Variants in EHBP1 observed in about 807,000 individuals in gnomAD.
EHBP1 encodes EH domain-binding protein 1.
EHBP1 carries 55 observed loss-of-function variants against 144.0 expected under a neutral mutation model. That is an observed-to-expected ratio of 0.38 (90% CI 0.31 to 0.48). EHBP1 has a LOEUF of 0.48. EHBP1 is among the 20% of genes least tolerant of loss of function. The probability of loss-of-function intolerance (pLI) is 0.98; values close to 1 mark genes in which losing one functional copy is unlikely to be tolerated. For missense variants in EHBP1, 1,200 were observed against 1,364.2 expected, an observed-to-expected ratio of 0.88 and a Z score of 1.90; for synonymous variants, 469 against 472.7, an observed-to-expected ratio of 0.99 and a Z score of 0.10.
At chr2:62,855,565 G>A (rs1172890917) in intron 7 of EHBP1, among the ~76,000 whole-genome samples, 3 of 152,122 alleles carry the variant, frequency 2.0e-5, no homozygotes, top group Non-Finnish European at 4.4e-5. Flanking sequence ...AGGTTGTGGT[G>A]CTTTTTCCAG....
At chr2:62,825,016 GT>G (rs1230664329) in intron 5 of EHBP1, among the ~76,000 whole-genome samples, 1 of 151,898 alleles carries the variant, frequency 6.6e-6, no homozygotes, top group African/African-American at 2.4e-5. Context: ...TATGGAGAAG[GT>G]TACTGAGACT....
chr2:63,027,633 A>T (rs1219112099), intron 19 of EHBP1, among the ~76,000 whole-genome samples: 1 of 152,214 alleles, frequency 6.6e-6, no homozygotes, highest in Non-Finnish European at 1.5e-5. Flanking sequence ...GGGGAAGCAT[A>T]ATTCCCATCA....
intron 1 of EHBP1, chr2:62,674,189 T>C: frequency 2.1e-6 from 1 of 470,410 alleles, no homozygotes; most frequent in Admixed American, 2.4e-5. Flanking sequence ...AACCTAGATT[T>C]TCATGTGTGT....
At chr2:62,954,820 A>G (rs1047487756) in intron 13 of EHBP1, among the ~76,000 whole-genome samples, 4 of 152,166 alleles carry the variant, frequency 2.6e-5, no homozygotes, top group Non-Finnish European at 5.9e-5. Flanking sequence ...CTTAGTAGAA[A>G]AAAAAGGAAT....
intron 3 of EHBP1, among the ~76,000 whole-genome samples, chr2:62,760,035 A>G (rs2040640754): frequency 6.6e-6 from 1 of 152,106 alleles, no homozygotes; most frequent in Non-Finnish European, 1.5e-5. Context: ...GTATACTGAA[A>G]TCTGCACATA....
At chr2:62,792,449 T>C (rs1038319075) in intron 5 of EHBP1, among the ~76,000 whole-genome samples, 1 of 152,094 alleles carries the variant, frequency 6.6e-6, no homozygotes, top group Non-Finnish European at 1.5e-5. Context: ...CTTTTTTGTT[T>C]AGTTTTGGAA....
chr2:62,723,388 G>GACAT (rs2036424491), intron 2 of EHBP1, among the ~76,000 whole-genome samples: 2 of 151,948 alleles, frequency 1.3e-5, no homozygotes, highest in Admixed American at 6.6e-5. Context: ...TGCATGTGAG[G>GACAT]TGGGTCTCTT....
intron 10 of EHBP1, among the ~76,000 whole-genome samples, chr2:62,927,955 A>T (rs2055663005): frequency 6.6e-6 from 1 of 152,262 alleles, no homozygotes; most frequent in South Asian, 2.1e-4. Flanking sequence ...AAACTGAAAA[A>T]AAATCACAAA....
At chr2:62,875,193 C>T (rs1385719715) in intron 10 of EHBP1, among the ~76,000 whole-genome samples, 1 of 152,226 alleles carries the variant, frequency 6.6e-6, no homozygotes, top group East Asian at 1.9e-4. Flanking sequence ...GGGCATGAAC[C>T]TCACTGCTGC....
At chr2:62,737,675 C>T (rs1401629304) in intron 2 of EHBP1, among the ~76,000 whole-genome samples, 1 of 152,164 alleles carries the variant, frequency 6.6e-6, no homozygotes, top group African/African-American at 2.4e-5. Context: ...AACTGCCAGA[C>T]TATTTTTCGT....
At chr2:62,808,793 T>C (rs183586313) in intron 5 of EHBP1, among the ~76,000 whole-genome samples, 2 of 152,308 alleles carry the variant, frequency 1.3e-5, no homozygotes, top group Non-Finnish European at 2.9e-5. Context: ...ATTCCTATGA[T>C]TAGGTTTCAG....
chr2:62,939,974 G>A (rs1420502821), intron 10 of EHBP1: 2 of 283,482 alleles, frequency 7.1e-6, no homozygotes, highest in Admixed American at 4.1e-5. Flanking sequence ...AACCAGAGGT[G>A]GTGATTCACT....
At chr2:62,849,085 T>C (rs2048498265) in intron 7 of EHBP1, among the ~76,000 whole-genome samples, 1 of 152,142 alleles carries the variant, frequency 6.6e-6, no homozygotes, top group African/African-American at 2.4e-5. Context: ...TCTCCTCCTT[T>C]GCAGCTTGGC....
At chr2:63,043,917 G>GTTTTTTTTTTTTTTTTTT (rs1559110359) in intron 21 of EHBP1, 2 of 36,166 alleles carry the variant, frequency 5.5e-5, no homozygotes, top group African/African-American at 2.9e-4. Flanking sequence ...AGTGGCCATG[G>GTTTTTTTTTTTTTTTTTT]TTCTTTTTTT....
At chr2:62,920,980 A>T (rs2055031229) in intron 10 of EHBP1, among the ~76,000 whole-genome samples, 1 of 152,136 alleles carries the variant, frequency 6.6e-6, no homozygotes, top group Admixed American at 6.5e-5. Flanking sequence ...GATTAATCAT[A>T]ATTAGATTAA....
intron 3 of EHBP1, among the ~76,000 whole-genome samples, chr2:62,749,032 C>T (rs1014541492): frequency 3.3e-5 from 5 of 151,978 alleles, no homozygotes; most frequent in Admixed American, 6.6e-5. Flanking sequence ...ATGTGCACAA[C>T]GTGCAGGTTT....
chr2:62,674,823 G>A (rs1308536856), intron 1 of EHBP1, among the ~76,000 whole-genome samples: 2 of 152,156 alleles, frequency 1.3e-5, no homozygotes, highest in African/African-American at 2.4e-5. Flanking sequence ...TAGAGACAGG[G>A]TCTCGCTATG....
upstream of EHBP1, among the ~76,000 whole-genome samples, chr2:62,704,321 T>C (rs1370870612): frequency 6.6e-6 from 1 of 152,220 alleles, no homozygotes; most frequent in Admixed American, 6.5e-5. Context: ...ATTCAAGCCT[T>C]ATATCTGTCT....
At chr2:62,708,184 AT>A (rs2034783598) in intron 2 of EHBP1, among the ~76,000 whole-genome samples, 1 of 152,214 alleles carries the variant, frequency 6.6e-6, no homozygotes, top group South Asian at 2.1e-4. Flanking sequence ...GATTAAAAAA[AT>A]AGCTTGCTTT....
Sources: gnomAD v4.1 joint callset for allele counts (sites outside exome capture counted in the v4.1 genomes callset) on GRCh38, gnomAD v4.1.1 for gene constraint, MANE v1.5 for transcripts, NCBI Gene and HGNC (gene_info 2026-07-23, HGNC 2026-07-21) for gene names.